C3orf33: variants seen among roughly 807,000 people sequenced by gnomAD.
C3orf33 encodes mitochondrial inner membrane subdomain organizer 1, also known as AP-1 activity suppressor.
A neutral mutation model predicts 28.7 loss-of-function variants in C3orf33; 23 were observed. That is an observed-to-expected ratio of 0.80 (90% CI 0.58 to 1.13). The LOEUF (loss-of-function observed/expected upper bound fraction) is 1.13. C3orf33 is among the 50% of genes most tolerant of loss of function. C3orf33 has a pLI of 0.00. For synonymous variants in C3orf33, 119 were observed against 120.5 expected, an observed-to-expected ratio of 0.99 and a Z score of 0.08; for missense variants, 327 against 353.4, an observed-to-expected ratio of 0.93 and a Z score of 0.60.
chr3:155,769,677 G>A lies in C3orf33; in HGVS notation c.323-2008C>T, dbSNP rs1750522455. On this transcript the variant is annotated intron_variant, in intron 3 of 4. Coordinates refer to ENST00000340171, the MANE Select transcript of C3orf33 (RefSeq NM_001308229.2). ...AATTCTGAGGTCCCTCTCCAATCCT[G>A]TAATGTTGCCAACACCACCAATCCT... 2.6e-5 allele frequency among the ~76,000 whole-genome samples: 4 copies of A among 152,134 alleles called. No homozygotes were observed. The South Asian group carries it at 8.3e-4, about 31-fold the overall frequency.
rs750625365 is a variant in C3orf33, at chr3:155,802,575, A to G, written c.131T>C (p.Met44Thr). 4.4e-6 allele frequency: 7 copies of G among 1,597,754 alleles called. No homozygotes were observed. Among genetic ancestry groups the G allele is most frequent in the African/African-American group, 1.4e-5 (1 of 73,770 alleles). The part of the protein sequence containing the change: ...LRLVRNISTG[M>T]AIAGIMLLLR... ...AAGTAACATTATTCCAGCTATGGCC[A>G]TTCCAGTGCTGATGTTCTACAGAAA... is the stretch of plus-strand genomic sequence containing the variant. The change falls in exon 2 of 5, where the codon ATG becomes ACG. Residue 44 changes from methionine (M) to threonine (T), a missense_variant. Transcript: ENST00000340171.
At chr3:155,772,103 G>A (rs1577414606) in intron 3 of C3orf33, among the ~76,000 whole-genome samples, 1 of 152,294 alleles carries the variant, frequency 6.6e-6, no homozygotes, top group East Asian at 1.9e-4. Context: ...TGCTTAGGAG[G>A]CTGAGGCAAG....
intron 3 of C3orf33, among the ~76,000 whole-genome samples, chr3:155,770,862 G>A (rs1750559104): frequency 1.3e-5 from 2 of 152,012 alleles, no homozygotes; most frequent in African/African-American, 2.4e-5. Flanking sequence ...TTAGTAGAAA[G>A]GGGGTTTTGC....
At chr3:155,799,653 C>A (rs1026834084) in intron 2 of C3orf33, among the ~76,000 whole-genome samples, 2 of 152,146 alleles carry the variant, frequency 1.3e-5, no homozygotes, top group African/African-American at 2.4e-5. Flanking sequence ...CACACCACTG[C>A]ACTCAACCTG....
chr3:155,771,741 C>T (rs914884577), intron 3 of C3orf33, among the ~76,000 whole-genome samples: 10 of 152,096 alleles, frequency 6.6e-5, no homozygotes, highest in African/African-American at 2.2e-4. Context: ...GTTACTGTGA[C>T]GTGAATCCCT....
intron 2 of C3orf33, among the ~76,000 whole-genome samples, chr3:155,800,355 G>C (rs905079329): frequency 7.9e-5 from 12 of 152,060 alleles, no homozygotes; most frequent in African/African-American, 2.9e-4. Context: ...TGTAATCCCA[G>C]CACTCTGGGA....
At position 155,763,703 on chromosome 3, in the gene C3orf33, C is replaced by T. The variant is rs775769963; in HGVS notation, c.699G>A (p.Trp233Ter). 13 of 1,595,132 alleles carry T rather than the reference C, an allele frequency of 8.1e-6. No individual in the cohort carries two copies. The East Asian group carries it at 2.5e-4, about 30-fold the overall frequency. The change falls in exon 5 of 5, where the codon TGG (tryptophan) becomes TGA (stop). Residue 233 changes from tryptophan to a stop codon, truncating the protein, a stop_gained. Coordinates refer to ENST00000340171, the MANE Select transcript of C3orf33 (RefSeq NM_001308229.2). LOFTEE classifies it high-confidence loss of function. ...AACTGTCCTTTTTCCATATTTCTCT[C>T]CAGGAATCTTTGAATTTTTCTAAGT... ...ESYLEKFKDS[W>*]REIWKKDSFL...
chr3:155,782,049 T>G (rs1203032097), intron 2 of C3orf33, among the ~76,000 whole-genome samples: 2 of 150,622 alleles, frequency 1.3e-5, no homozygotes, highest in Non-Finnish European at 2.9e-5. Context: ...CCATCTCTAC[T>G]AAAAATACAA....
At chr3:155,765,543 G>A (rs1438007557) in intron 4 of C3orf33, among the ~76,000 whole-genome samples, 2 of 151,414 alleles carry the variant, frequency 1.3e-5, no homozygotes, top group African/African-American at 4.9e-5. Context: ...TTTTTGTTTT[G>A]TATTGTTTTG....
intron 2 of C3orf33, among the ~76,000 whole-genome samples, chr3:155,799,796 G>C (rs1450366384): frequency 6.6e-6 from 1 of 152,144 alleles, no homozygotes; most frequent in African/African-American, 2.4e-5. Context: ...ATTATGTTAA[G>C]TGAAGTAAGC....
At chr3:155,774,680 T>C (rs1750687604) in intron 3 of C3orf33, among the ~76,000 whole-genome samples, 2 of 150,860 alleles carry the variant, frequency 1.3e-5, no homozygotes, top group South Asian at 2.1e-4. Flanking sequence ...TTTTTTTTTT[T>C]TTTTTTTAGC....
chr3:155,769,304 C>T (rs1326241118), intron 3 of C3orf33, among the ~76,000 whole-genome samples: 2 of 135,408 alleles, frequency 1.5e-5, no homozygotes, highest in Admixed American at 8.2e-5. Flanking sequence ...AAGAGCAAAA[C>T]TCCCTCTCAA....
intron 3 of C3orf33, among the ~76,000 whole-genome samples, chr3:155,774,752 G>T (rs1750691017): frequency 6.8e-6 from 1 of 146,506 alleles, no homozygotes; most frequent in South Asian, 2.1e-4. Flanking sequence ...CTTCCAATGT[G>T]GCCCAGGGAA....
intron 2 of C3orf33, among the ~76,000 whole-genome samples, chr3:155,779,018 C>G (rs1750837516): frequency 6.6e-6 from 1 of 152,132 alleles, no homozygotes; most frequent in Non-Finnish European, 1.5e-5. Flanking sequence ...CTCCCCAAAA[C>G]TAATGAAGGA....
chr3:155,768,178 C>A (rs549154777), intron 3 of C3orf33, among the ~76,000 whole-genome samples: 40 of 152,258 alleles, frequency 2.6e-4, no homozygotes, highest in African/African-American at 9.1e-4. Context: ...CCACGCCCAG[C>A]CTTCAAAAAC....
chr3:155,780,591 T>A (rs1426700348), intron 2 of C3orf33, among the ~76,000 whole-genome samples: 1 of 152,206 alleles, frequency 6.6e-6, no homozygotes, highest in Non-Finnish European at 1.5e-5. Flanking sequence ...ACTTGATAAA[T>A]AAACTCTCAG....
chr3:155,786,052 A>AAAGGAAAGGAAAAAGGG (rs553002835), intron 2 of C3orf33, among the ~76,000 whole-genome samples: 4,194 of 145,582 alleles, frequency 0.029, 341 homozygotes, highest in African/African-American at 0.11. Flanking sequence ...GGAAAAAGGA[A>AAAGGAAAGGAAAAAGGG]AAGGAAAGGA....
At chr3:155,775,988 TTAATA>T in intron 2 of C3orf33, 140 bp from the exon 3 acceptor site, 1 of 576,196 alleles carries the variant, frequency 1.7e-6, no homozygotes, top group Non-Finnish European at 3.0e-6. Context: ...TTATATTACT[TTAATA>T]TGATTTAATC....
intron 2 of C3orf33, among the ~76,000 whole-genome samples, chr3:155,798,724 A>G (rs1436194102): frequency 2.0e-5 from 3 of 152,168 alleles, no homozygotes; most frequent in African/African-American, 7.2e-5. Context: ...AGATTTCTTG[A>G]AAAATACCCC....
Sources: gnomAD v4.1 joint callset for allele counts (sites outside exome capture counted in the v4.1 genomes callset) on GRCh38, gnomAD v4.1.1 for gene constraint, MANE v1.5 for transcripts, NCBI Gene and HGNC (gene_info 2026-07-23, HGNC 2026-07-21) for gene names.